ELAVL2: variants seen among roughly 807,000 people sequenced by gnomAD.
The protein encoded by ELAVL2 is ELAV like RNA binding protein 2, also known as ELAV-like protein 2.
ELAVL2 carries 4 observed loss-of-function variants against 34.6 expected under a neutral mutation model. The observed-to-expected ratio is 0.12, with a 90% confidence interval of 0.06 to 0.26. The LOEUF is 0.26. ELAVL2 is among the 10% of genes least tolerant of loss of function. The probability of loss-of-function intolerance (pLI) is 1.00; values close to 1 mark genes in which losing one functional copy is unlikely to be tolerated. For missense variants in ELAVL2, 432 were observed against 442.8 expected (o/e 0.98, Z 0.22); for synonymous variants, 193 against 154.8 (o/e 1.25, Z -1.83).
At chr9:23,693,525 T>A in intron 5 of ELAVL2, 39 bp from the exon 6 acceptor site, 1 of 1,613,634 alleles carries the variant, frequency 6.2e-7, no homozygotes. Context: ...GTTTTTAATT[T>A]TTCCCCTTGA....
rs77153863 is a variant in ELAVL2 at position 23,793,537 on chromosome 9, T to C, written c.-15-31288A>G. 9.1e-3 allele frequency among the ~76,000 whole-genome samples: 1,390 copies of C among 152,180 alleles called. 17 individuals are homozygous for C. Among genetic ancestry groups the C allele is most frequent in the African/African-American group, 0.032 (1,323 of 41,518 alleles). ...ACCTAAATCCCAGCAACAAAACTAA[T>C]AGAGTCTCTCAGATTTTCCCAATTT... On this transcript the variant is annotated intron_variant, in intron 1 of 6. Coordinates refer to ENST00000397312, the MANE Select transcript of ELAVL2 (RefSeq NM_004432.5).
intron 3 of ELAVL2, among the ~76,000 whole-genome samples, chr9:23,718,134 A>G (rs1012157908): frequency 3.3e-5 from 5 of 152,098 alleles, no homozygotes; most frequent in African/African-American, 1.2e-4. Flanking sequence ...CTTGAACATA[A>G]AGTAACTACT....
At chr9:23,700,761 A>G (rs1487115770) in intron 5 of ELAVL2, among the ~76,000 whole-genome samples, 1 of 152,222 alleles carries the variant, frequency 6.6e-6, no homozygotes, top group African/African-American at 2.4e-5. Flanking sequence ...AGAGGAACTC[A>G]TTTGTAGAAA....
chr9:23,702,020 A>C (rs756232484), intron 4 of ELAVL2, among the ~76,000 whole-genome samples: 1 of 152,202 alleles, frequency 6.6e-6, no homozygotes, highest in South Asian at 2.1e-4. Flanking sequence ...CCTGTCCTTG[A>C]AACAAGGAGA....
rs575517284 is a variant in ELAVL2 at position 23,717,193 on chromosome 9, T to C, written c.334-12122A>G. Among the ~76,000 whole-genome samples, 155 of 152,316 alleles carry C rather than the reference T, an allele frequency of 1.0e-3. No individual in the cohort carries two copies. In the Middle Eastern group the frequency reaches 0.014, roughly 13 times the overall value. Reference sequence around the variant, plus strand: ...CAAGTCTTCTTTGACCTACTTCATATAGTAATGAAAATATAATGATCCTTT... The same window carrying C: ...CAAGTCTTCTTTGACCTACTTCATACAGTAATGAAAATATAATGATCCTTT... On this transcript the variant is annotated intron_variant, in intron 3 of 6. Transcript: ENST00000397312.
At chr9:23,824,887 TC>T (rs1418670132) in intron 1 of ELAVL2, among the ~76,000 whole-genome samples, 1 of 152,144 alleles carries the variant, frequency 6.6e-6, no homozygotes, top group Non-Finnish European at 1.5e-5. Flanking sequence ...CCGAGTTGGC[TC>T]CTGGGGTGGC....
At chr9:23,750,079 G>C (rs929968964) in intron 2 of ELAVL2, among the ~76,000 whole-genome samples, 18 of 150,526 alleles carry the variant, frequency 1.2e-4, no homozygotes, top group Non-Finnish European at 3.0e-5. Flanking sequence ...AACTATAAAG[G>C]CTAGGAAAGA....
At chr9:23,713,289 T>C (rs925127332) in intron 3 of ELAVL2, among the ~76,000 whole-genome samples, 5 of 152,190 alleles carry the variant, frequency 3.3e-5, no homozygotes, top group Admixed American at 3.3e-4. Flanking sequence ...ATTTTTTACC[T>C]GCAGAGATAC....
At chr9:23,762,428 T>G (rs2055248251) in intron 1 of ELAVL2, among the ~76,000 whole-genome samples, 179 bp from the exon 2 acceptor site, 1 of 152,122 alleles carries the variant, frequency 6.6e-6, no homozygotes, top group Admixed American at 6.6e-5. Context: ...CTATTCATCT[T>G]AAGGTTACAA....
intron 1 of ELAVL2, among the ~76,000 whole-genome samples, chr9:23,767,079 G>C (rs1444831460): frequency 6.6e-6 from 1 of 152,158 alleles, no homozygotes; most frequent in Admixed American, 6.5e-5. Context: ...GATGAATCTA[G>C]AATATTCTAA....
intron 2 of ELAVL2, among the ~76,000 whole-genome samples, chr9:23,741,031 G>C (rs1236971681): frequency 6.6e-6 from 1 of 152,156 alleles, no homozygotes; most frequent in East Asian, 1.9e-4. Context: ...ACAAGGGAGA[G>C]AGGCAGGCAC....
chr9:23,801,876 G>A (rs944041527), intron 1 of ELAVL2, among the ~76,000 whole-genome samples: 2 of 152,110 alleles, frequency 1.3e-5, no homozygotes, highest in African/African-American at 2.4e-5. Flanking sequence ...TCTAACAAGC[G>A]CTGCAAATAG....
intron 1 of ELAVL2, among the ~76,000 whole-genome samples, chr9:23,782,596 A>AAACC (rs1455467257): frequency 6.6e-6 from 1 of 152,026 alleles, no homozygotes; most frequent in Non-Finnish European, 1.5e-5. Context: ...AAACGAAAAG[A>AAACC]AACCAAACCA....
the ELAVL2 span, chr9:23,831,662 C>G: frequency 6.6e-6 from 1 of 152,240 alleles, no homozygotes. Flanking sequence ...AGCCCAGATC[C>G]TGCTCCATTC....
At chr9:23,846,050 G>C in the ELAVL2 span, among the ~76,000 whole-genome samples, 1 of 151,642 alleles carries the variant, frequency 6.6e-6, no homozygotes, top group East Asian at 1.9e-4. Context: ...ATAAACCCAA[G>C]AATAGGCAAT....
chr9:23,833,554 A>C, the ELAVL2 span, among the ~76,000 whole-genome samples: 2 of 151,872 alleles, frequency 1.3e-5, no homozygotes, highest in African/African-American at 4.8e-5. Context: ...AGATAATTTT[A>C]AGAAGTGACA....
At chr9:23,742,399 A>G (rs1309637722) in intron 2 of ELAVL2, among the ~76,000 whole-genome samples, 1 of 152,212 alleles carries the variant, frequency 6.6e-6, no homozygotes, top group Non-Finnish European at 1.5e-5. Flanking sequence ...CAACTGCAAA[A>G]TTACACATGC....
At chr9:23,811,646 T>C (rs1338258820) in intron 1 of ELAVL2, among the ~76,000 whole-genome samples, 1 of 152,194 alleles carries the variant, frequency 6.6e-6, no homozygotes, top group Non-Finnish European at 1.5e-5. Context: ...ATAAATGTTA[T>C]ACCCAGAGGA....
Position 23,690,228 on chromosome 9 carries a change from G to A in ELAVL2, c.*2329C>T, listed in dbSNP as rs1001328400. ...ATATATTTTCTATTCCAACAGATGT[G>A]AATTAAGTCATACTGTACAACTTCA... On this transcript the variant is annotated 3_prime_UTR_variant, in exon 7 of 7. Transcript: ENST00000397312. 2.6e-5 allele frequency: 4 copies of A among 152,538 alleles called. No homozygotes were observed. The highest frequency in any genetic ancestry group is 2.1e-4 in the South Asian group (1 of 4,820). The allele number at this position is 152,538 out of a possible 1,614,324, so 9.4% of individuals were successfully genotyped here. A position where few individuals can be genotyped will look rare whatever the true frequency, so the allele number is the denominator to read the frequency against.
Sources: gnomAD v4.1 joint callset for allele counts (sites outside exome capture counted in the v4.1 genomes callset) on GRCh38, gnomAD v4.1.1 for gene constraint, MANE v1.5 for transcripts, NCBI Gene and HGNC (gene_info 2026-07-23, HGNC 2026-07-21) for gene names.